CTNNA3: variants seen among roughly 807,000 people sequenced by gnomAD.
CTNNA3 encodes the protein catenin alpha 3.
CTNNA3 carries 76 observed loss-of-function variants against 95.7 expected under a neutral mutation model. The ratio of observed to expected loss-of-function variants is 0.79; its 90% CI spans 0.66 to 0.96. The LOEUF is 0.96. CTNNA3 is among the 40% of genes least tolerant of loss of function. The probability of loss-of-function intolerance (pLI) is 0.00; values close to 1 mark genes in which losing one functional copy is unlikely to be tolerated. For synonymous variants in CTNNA3, 431 were observed against 374.4 expected, an observed-to-expected ratio of 1.15 and a Z score of -1.74; for missense variants, 1,191 against 1,089.8, an observed-to-expected ratio of 1.09 and a Z score of -1.31.
intron 2 of CTNNA3, among the ~76,000 whole-genome samples, chr10:67,621,993 T>C (rs61869461): frequency 0.092 from 14,065 of 152,252 alleles, 866 homozygotes; most frequent in Middle Eastern, 0.18. Context: ...AAACTGAAAC[T>C]ATTTACTATC....
chr10:67,728,212 G>T (rs1026463288), intron 1 of CTNNA3, among the ~76,000 whole-genome samples: 2 of 148,300 alleles, frequency 1.3e-5, no homozygotes, highest in Non-Finnish European at 3.0e-5. Flanking sequence ...CTAGCACTTT[G>T]GGAGGCCAAG....
chr10:66,204,671 A>T (rs1257045136), intron 13 of CTNNA3, among the ~76,000 whole-genome samples: 1 of 152,130 alleles, frequency 6.6e-6, no homozygotes, highest in Non-Finnish European at 1.5e-5. Flanking sequence ...TTGTACTTAC[A>T]TCCATTCATA....
chr10:66,493,497 T>C (rs1315929566), intron 11 of CTNNA3, among the ~76,000 whole-genome samples: 1 of 152,064 alleles, frequency 6.6e-6, no homozygotes, highest in East Asian at 1.9e-4. Flanking sequence ...CCCTTGTCAT[T>C]TAATTCTTTG....
chr10:65,964,765 T>C (rs1289228658), intron 17 of CTNNA3, among the ~76,000 whole-genome samples: 4 of 152,180 alleles, frequency 2.6e-5, no homozygotes, highest in African/African-American at 4.8e-5. Context: ...ATAAACATAC[T>C]TTTTTACATA....
chr10:67,568,099 A>C (rs1841867639), intron 3 of CTNNA3, among the ~76,000 whole-genome samples: 1 of 152,026 alleles, frequency 6.6e-6, no homozygotes, highest in Non-Finnish European at 1.5e-5. Context: ...GTGAGTAGTA[A>C]ACTTTGGGTT....
At chr10:66,577,943 C>A (rs150938773) in intron 10 of CTNNA3, among the ~76,000 whole-genome samples, 4 of 151,918 alleles carry the variant, frequency 2.6e-5, no homozygotes, top group Non-Finnish European at 5.9e-5. Flanking sequence ...CTGATTCTTC[C>A]TATCCATGGA....
chr10:67,756,891 T>TA (rs1289220443), intron 1 of CTNNA3, among the ~76,000 whole-genome samples: 2 of 152,114 alleles, frequency 1.3e-5, no homozygotes, highest in African/African-American at 2.4e-5. Flanking sequence ...TACAGCTATG[T>TA]AAAAAAATAT....
chr10:67,539,356 C>T, intron 4 of CTNNA3, 147 bp downstream of exon 4: 1 of 789,818 alleles, frequency 1.3e-6, no homozygotes, highest in Non-Finnish European at 2.0e-6. Context: ...ATACATTAGT[C>T]TTCACAACCC....
intron 11 of CTNNA3, among the ~76,000 whole-genome samples, chr10:66,506,549 ACAG>A (rs1840456999): frequency 6.6e-6 from 1 of 152,174 alleles, no homozygotes; most frequent in African/African-American, 2.4e-5. Context: ...TCCTGACAGT[ACAG>A]CAGCATTAAT....
At chr10:66,558,753 G>A (rs1049030356) in intron 10 of CTNNA3, among the ~76,000 whole-genome samples, 10 of 152,100 alleles carry the variant, frequency 6.6e-5, no homozygotes, top group African/African-American at 2.4e-4. Context: ...AGTCTGAAAA[G>A]GAGTTGAAAC....
At chr10:67,562,999 C>T (rs1054870997) in intron 3 of CTNNA3, among the ~76,000 whole-genome samples, 1 of 151,948 alleles carries the variant, frequency 6.6e-6, no homozygotes, top group Non-Finnish European at 1.5e-5. Flanking sequence ...AGGATACAAA[C>T]AAATGGAAGA....
At chr10:66,647,016 G>GA (rs11334980) in intron 9 of CTNNA3, among the ~76,000 whole-genome samples, 21 of 148,044 alleles carry the variant, frequency 1.4e-4, no homozygotes, top group African/African-American at 2.5e-4. Flanking sequence ...AAGCAAAAAA[G>GA]AAAAAAAAAA....
At chr10:67,073,037 C>A (rs965584166) in intron 7 of CTNNA3, among the ~76,000 whole-genome samples, 1 of 152,188 alleles carries the variant, frequency 6.6e-6, no homozygotes, top group Non-Finnish European at 1.5e-5. Context: ...AGACACCTTC[C>A]GCCTAGGCCC....
At chr10:67,600,775 G>A (rs917611455) in intron 3 of CTNNA3, among the ~76,000 whole-genome samples, 1 of 152,150 alleles carries the variant, frequency 6.6e-6, no homozygotes, top group Admixed American at 6.5e-5. Flanking sequence ...TAATAGCAAT[G>A]CTCATTAAAG....
intron 1 of CTNNA3, among the ~76,000 whole-genome samples, chr10:67,676,815 C>T (rs1314708905): frequency 6.6e-6 from 1 of 152,148 alleles, no homozygotes; most frequent in African/African-American, 2.4e-5. Flanking sequence ...ATGCCTTCAA[C>T]GTTTTAATTT....
intron 13 of CTNNA3, among the ~76,000 whole-genome samples, chr10:66,153,497 C>G (rs1230250750): frequency 1.3e-5 from 2 of 151,888 alleles, no homozygotes; most frequent in African/African-American, 4.8e-5. Flanking sequence ...CAGTGTTGTT[C>G]TTTTAGCCTT....
At chr10:66,282,668 A>G (rs1364140062) in intron 12 of CTNNA3, among the ~76,000 whole-genome samples, 1 of 151,202 alleles carries the variant, frequency 6.6e-6, no homozygotes, top group African/African-American at 2.4e-5. Context: ...AATTCTGCTC[A>G]TTCTCAGGTT....
intron 7 of CTNNA3, among the ~76,000 whole-genome samples, chr10:66,992,896 T>C (rs1851118106): frequency 1.3e-5 from 2 of 152,212 alleles, no homozygotes; most frequent in South Asian, 2.1e-4. Flanking sequence ...CCTCTTCAAT[T>C]TGACCATTTT....
intron 13 of CTNNA3, among the ~76,000 whole-genome samples, chr10:66,122,802 G>A (rs927933305): frequency 6.6e-6 from 1 of 152,198 alleles, no homozygotes; most frequent in Non-Finnish European, 1.5e-5. Context: ...CAAAGAGAGA[G>A]CTTGTGCAGG....
Sources: allele counts gnomAD v4.1 joint callset (sites outside exome capture counted in the v4.1 genomes callset), GRCh38; gene constraint gnomAD v4.1.1; transcripts MANE v1.5; gene names NCBI Gene and HGNC (gene_info 2026-07-23, HGNC 2026-07-21).